PAPOLG: variants seen among roughly 807,000 people sequenced by gnomAD.
PAPOLG encodes the protein PAP-gamma.
A neutral mutation model predicts 99.0 loss-of-function variants in PAPOLG; 40 were observed. That is an observed-to-expected ratio of 0.40 (90% CI 0.31 to 0.53). PAPOLG has a LOEUF of 0.53. PAPOLG is among the 20% of genes least tolerant of loss of function. The pLI, the probability that PAPOLG is intolerant of heterozygous loss-of-function variation, is 0.41. For missense variants in PAPOLG, 675 were observed against 884.1 expected (o/e 0.76, Z 3.00); for synonymous variants, 310 against 299.3 (o/e 1.04, Z -0.37).
chr2:60,765,970 C>G (rs1303417642), intron 3 of PAPOLG, among the ~76,000 whole-genome samples: 1 of 152,124 alleles, frequency 6.6e-6, no homozygotes, highest in Non-Finnish European at 1.5e-5. Flanking sequence ...GATTAATTTA[C>G]TAACTTCTTT....
intron 8 of PAPOLG, among the ~76,000 whole-genome samples, chr2:60,775,762 C>CTTTTTTTTTTTTT (rs56074091): frequency 6.9e-6 from 1 of 145,924 alleles, no homozygotes; most frequent in Non-Finnish European, 1.5e-5. Flanking sequence ...ATACTGTAGT[C>CTTTTTTTTTTTTT]TTTTTTTTTT....
At chr2:60,786,284 G>A (rs1391184077) in intron 13 of PAPOLG, among the ~76,000 whole-genome samples, 1 of 152,104 alleles carries the variant, frequency 6.6e-6, no homozygotes, top group African/African-American at 2.4e-5. Flanking sequence ...AGGCTGGAGT[G>A]CAGTGGGGTG....
At chr2:60,781,122 G>A (rs62149381) in intron 10 of PAPOLG, among the ~76,000 whole-genome samples, 17 of 152,274 alleles carry the variant, frequency 1.1e-4, no homozygotes, top group Admixed American at 7.8e-4. Flanking sequence ...TTGGGAGGCC[G>A]AGGCGGGTGG....
rs755596819 is a variant in PAPOLG, at chr2:60,781,880, C to G, written c.907-5C>G. On this transcript the variant is annotated splice_region_variant and splice_polypyrimidine_tract_variant and intron_variant, in intron 10 of 21. Coordinates refer to ENST00000238714, the MANE Select transcript of PAPOLG (RefSeq NM_022894.4). ...AGATCAGTTATTCTGCTTCTAATTT[C>G]ACAGGTAAATCCATCAGATAGGTAT... 6.2e-7 allele frequency: 1 copy of G among 1,613,840 alleles called. No homozygotes were observed. Among genetic ancestry groups the G allele is most frequent in the Non-Finnish European group, 8.5e-7 (1 of 1,179,854 alleles).
chr2:60,765,798 A>G (rs1177971885), intron 3 of PAPOLG, among the ~76,000 whole-genome samples: 1 of 152,096 alleles, frequency 6.6e-6, no homozygotes, highest in Non-Finnish European at 1.5e-5. Flanking sequence ...TTCTCTGTCC[A>G]TTTCATTCAT....
intron 5 of PAPOLG, 135 bp from the exon 6 acceptor site, chr2:60,770,323 A>G (rs1670811590): frequency 3.3e-6 from 2 of 609,342 alleles, no homozygotes; most frequent in Non-Finnish European, 5.2e-6. Flanking sequence ...ATTGGTAGTT[A>G]GAAAGGATAA....
At chr2:60,766,665 C>T (rs1399381774) in intron 3 of PAPOLG, among the ~76,000 whole-genome samples, 2 of 149,598 alleles carry the variant, frequency 1.3e-5, no homozygotes, top group African/African-American at 4.9e-5. Flanking sequence ...AGTGAAACCC[C>T]GTCTCCATCT....
chr2:60,782,894 CA>C, intron 12 of PAPOLG, 124 bp downstream of exon 12: 1 of 1,212,652 alleles, frequency 8.2e-7, no homozygotes, highest in Non-Finnish European at 1.1e-6. Flanking sequence ...AATAGATTAA[CA>C]AAAATCCTAA....
In PAPOLG at chr2:60,756,521, G is replaced by T. The variant is rs1184529163; in HGVS notation, c.17+26G>T. 3.1e-6 allele frequency: 5 copies of T among 1,589,924 alleles called. No individual in the cohort carries two copies. The Admixed American group carries it at 6.8e-5, about 22-fold the overall frequency. On this transcript the variant is annotated intron_variant, in intron 1 of 21. Coordinates refer to ENST00000238714, the MANE Select transcript of PAPOLG (RefSeq NM_022894.4). ...GTAAGTGGTGGGGGGCGGCGGTTGG[G>T]GTGAGGCGGGTAGGGGTGAGCTGAG... is the stretch of plus-strand genomic sequence containing the variant.
chr2:60,774,358 G>A (rs1238286520), intron 7 of PAPOLG, among the ~76,000 whole-genome samples: 2 of 147,900 alleles, frequency 1.4e-5, no homozygotes, highest in Admixed American at 6.8e-5. Flanking sequence ...CATACTTTGA[G>A]AACTAATGTC....
chr2:60,775,241 A>AG, intron 8 of PAPOLG, 118 bp downstream of exon 8: 1 of 1,187,520 alleles, frequency 8.4e-7, no homozygotes, highest in Non-Finnish European at 1.2e-6. Context: ...AAGGGCCAAT[A>AG]AACTCTGTAA....
chr2:60,792,250 C>T lies in PAPOLG; in HGVS notation c.1640C>T (p.Ala547Val), dbSNP rs144322306. 37 of 1,608,908 alleles carry T rather than the reference C, an allele frequency of 2.3e-5. No homozygotes were observed. In the African/African-American group the frequency reaches 3.7e-4, roughly 16 times the overall value. Reference protein sequence around the residue: ...TDNGTPFNSPASKSDSPSVGE... With the variant: ...TDNGTPFNSPVSKSDSPSVGE... Reference sequence around the variant, plus strand: ...AATGGAACACCTTTTAATTCTCCAGCGTCCAAGTCTGATAGCCCTTCTGTA... The same window carrying T: ...AATGGAACACCTTTTAATTCTCCAGTGTCCAAGTCTGATAGCCCTTCTGTA... Residue 547 changes from alanine (A) to valine (V), a missense_variant, in exon 17 of 22, where the codon GCG (alanine) becomes GTG (valine). By Grantham distance (64) the Ala-to-Val change is moderately conservative (BLOSUM62 0). Transcript: ENST00000238714.
intron 7 of PAPOLG, among the ~76,000 whole-genome samples, 165 bp downstream of exon 7, chr2:60,771,795 A>C (rs575201071): frequency 1.3e-5 from 2 of 152,282 alleles, no homozygotes; most frequent in South Asian, 4.1e-4. Context: ...AAAAACCACA[A>C]ATTTATTTGA....
At position 60,794,127 on chromosome 2, in the gene PAPOLG, C is replaced by T; in HGVS notation, c.1925C>T (p.Thr642Ile). 6.2e-7 allele frequency: 1 copy of T among 1,613,844 alleles called. No homozygotes were observed. Among genetic ancestry groups the T allele is most frequent in the Non-Finnish European group, 8.5e-7 (1 of 1,179,796 alleles). The part of the protein sequence containing the change: ...NGMSNITKTV[T>I]PKRSHSPSID... The stretch of plus-strand genomic sequence containing the variant: ...ATGTCAAATATAACTAAGACTGTTA[C>T]ACCTAAGAGATCCCATTCCCCATCC... Residue 642 changes from threonine to isoleucine, a missense_variant, in exon 19 of 22, where the codon ACA becomes ATA. Transcript: ENST00000238714.
intron 15 of PAPOLG, chr2:60,791,553 A>G: frequency 2.4e-6 from 1 of 419,072 alleles, no homozygotes; most frequent in Non-Finnish European, 4.1e-6. Context: ...ACTCCATCTC[A>G]AAAAAAGAAA....
At position 60,782,017 on chromosome 2, in the gene PAPOLG, G is replaced by T; in HGVS notation, c.1027+12G>T. 6.2e-7 allele frequency: 1 copy of T among 1,611,996 alleles called. No individual in the cohort carries two copies. Among genetic ancestry groups the T allele is most frequent in the South Asian group, 1.1e-5 (1 of 91,008 alleles). On this transcript the variant is annotated intron_variant, in intron 11 of 21. Coordinates refer to ENST00000238714, the MANE Select transcript of PAPOLG (RefSeq NM_022894.4). ...AGAATTTAAACAAGGTAAACATGTG[G>T]CCCTGTTGCCCTTTACATATTCCCA...
At position 60,782,748 on chromosome 2, in the gene PAPOLG, C is replaced by A; in HGVS notation, c.1090C>A (p.Pro364Thr). The change falls in exon 12 of 22, where the codon CCG becomes ACG. Residue 364 changes from proline (P) to threonine (T), a missense_variant. Physicochemically the swap from Pro to Thr is conservative, Grantham distance 38. Transcript: ENST00000238714. Reference sequence around the variant, plus strand: ...AGATTGGTCCAAACTACTTGAGCCACCGAATTTCTTTCAAAAGTATAGGTA... The same window carrying A: ...AGATTGGTCCAAACTACTTGAGCCAACGAATTTCTTTCAAAAGTATAGGTA... ...KSDWSKLLEP[P>T]NFFQKYRHYI... is the part of the protein sequence containing the mutation. The A allele has an allele frequency of 6.4e-7, 1 of 1,566,252 alleles. No homozygotes were observed. Among genetic ancestry groups the A allele is most frequent in the Non-Finnish European group, 8.6e-7 (1 of 1,163,546 alleles).
chr2:60,756,982 A>C (rs1670365292), intron 1 of PAPOLG, among the ~76,000 whole-genome samples: 2 of 139,570 alleles, frequency 1.4e-5, no homozygotes, highest in African/African-American at 2.7e-5. Context: ...CGCCGTCCCC[A>C]CCCTCTCCCT....
At chr2:60,771,470 T>C in intron 6 of PAPOLG, 49 bp from the exon 7 acceptor site, 1 of 1,556,380 alleles carries the variant, frequency 6.4e-7, no homozygotes, top group Non-Finnish European at 8.6e-7. Flanking sequence ...GAGGATGGAT[T>C]AAAAGGAGAA....
Sources: gnomAD v4.1 joint callset for allele counts (sites outside exome capture counted in the v4.1 genomes callset) on GRCh38, gnomAD v4.1.1 for gene constraint, MANE v1.5 for transcripts, NCBI Gene and HGNC (gene_info 2026-07-23, HGNC 2026-07-21) for gene names.